BMPER: variants seen among roughly 807,000 people sequenced by gnomAD.
BMPER encodes BMP-binding endothelial regulator protein.
In BMPER, 45 loss-of-function variants were observed where a neutral mutation model predicts 87.3. That is an observed-to-expected ratio of 0.52 (90% CI 0.41 to 0.66). BMPER has a LOEUF of 0.66. Among genes scored for constraint, BMPER ranks in the 30% least tolerant of loss-of-function variants. The probability of loss-of-function intolerance (pLI) is 0.00; values close to 1 mark genes in which losing one functional copy is unlikely to be tolerated. For missense variants in BMPER, 784 were observed against 867.5 expected (o/e 0.90, Z 1.21); for synonymous variants, 326 against 316.2 (o/e 1.03, Z -0.33).
chr7:34,133,422 G>T (rs549262618), intron 13 of BMPER, among the ~76,000 whole-genome samples: 2 of 152,106 alleles, frequency 1.3e-5, no homozygotes, highest in African/African-American at 4.8e-5. Context: ...AAGGTGGTGT[G>T]CCTGGAGAGG....
In BMPER at chr7:34,065,928, A is replaced by G. The variant is rs181888910; in HGVS notation, c.1078+3881A>G. Among the ~76,000 whole-genome samples the G allele has an allele frequency of 1.6e-3, 251 of 152,386 alleles. 8 individuals carry two copies. The highest frequency in any genetic ancestry group is 0.016 in the Admixed American group (246 of 15,310). ...CATGCACACATACATGCATACGTCA[A>G]TTAAATGGATTGATTACAGAGCTTC... On this transcript the variant is annotated intron_variant, in intron 11 of 14. Coordinates refer to ENST00000649409, the MANE Select transcript of BMPER (RefSeq NM_001365308.1).
chr7:33,922,830 T>TA (rs1184963249), intron 2 of BMPER, among the ~76,000 whole-genome samples: 2 of 152,198 alleles, frequency 1.3e-5, no homozygotes, highest in East Asian at 3.8e-4. Flanking sequence ...ATTTTTTTTT[T>TA]ACTAATGATG....
chr7:33,935,582 G>T (rs1170679402), intron 2 of BMPER, among the ~76,000 whole-genome samples: 1 of 137,908 alleles, frequency 7.3e-6, no homozygotes, highest in Admixed American at 7.0e-5. Context: ...AAAAAAGAAA[G>T]AGAGAAAGAG....
intron 11 of BMPER, among the ~76,000 whole-genome samples, chr7:34,066,149 A>G (rs946559349): frequency 2.0e-5 from 3 of 152,228 alleles, no homozygotes; most frequent in African/African-American, 4.8e-5. Flanking sequence ...GGAAACTTGA[A>G]GTGCATCTAT....
intron 2 of BMPER, among the ~76,000 whole-genome samples, chr7:33,918,820 A>G (rs1172664911): frequency 2.0e-5 from 3 of 152,140 alleles, no homozygotes; most frequent in Admixed American, 1.3e-4. Flanking sequence ...CCGCAGCTCC[A>G]TTAGCACATA....
chr7:34,108,620 G>A (rs1789884937), intron 13 of BMPER, among the ~76,000 whole-genome samples: 1 of 152,190 alleles, frequency 6.6e-6, no homozygotes, highest in Non-Finnish European at 1.5e-5. Flanking sequence ...GTAAACTTTA[G>A]CATGGATTTT....
At chr7:34,058,731 A>T in intron 10 of BMPER, among the ~76,000 whole-genome samples, 1 of 152,240 alleles carries the variant, frequency 6.6e-6, no homozygotes. Flanking sequence ...GAATAAAGCA[A>T]CCATTATCTT....
chr7:33,972,444 C>T (rs978153299), intron 5 of BMPER, among the ~76,000 whole-genome samples: 1 of 152,142 alleles, frequency 6.6e-6, no homozygotes, highest in African/African-American at 2.4e-5. Flanking sequence ...TTATTTCTTC[C>T]ACTCTCTTTT....
chr7:33,946,933 T>C (rs936134982), intron 3 of BMPER, among the ~76,000 whole-genome samples: 1 of 152,234 alleles, frequency 6.6e-6, no homozygotes, highest in East Asian at 1.9e-4. Flanking sequence ...ATTTATAGAA[T>C]AGTGCTGCTT....
chr7:34,034,206 T>A (rs1215951121), intron 6 of BMPER, among the ~76,000 whole-genome samples: 1 of 152,192 alleles, frequency 6.6e-6, no homozygotes, highest in Non-Finnish European at 1.5e-5. Context: ...CCAGGAGAAC[T>A]TCAATTTAAT....
chr7:34,090,600 C>T (rs1031239058), intron 13 of BMPER, among the ~76,000 whole-genome samples: 6 of 152,214 alleles, frequency 3.9e-5, no homozygotes, highest in African/African-American at 1.4e-4. Context: ...TGAGCTATGC[C>T]TTTGTGGGTC....
chr7:33,957,116 G>C (rs1433991935), intron 3 of BMPER, among the ~76,000 whole-genome samples: 1 of 152,054 alleles, frequency 6.6e-6, no homozygotes, highest in Non-Finnish European at 1.5e-5. Context: ...ACAAAAACTT[G>C]TGTTCACATA....
chr7:34,021,995 A>G (rs964501438), intron 6 of BMPER, among the ~76,000 whole-genome samples: 3 of 152,050 alleles, frequency 2.0e-5, no homozygotes, highest in African/African-American at 7.2e-5. Context: ...AACAAGTAGT[A>G]TAAGAATTTG....
intron 6 of BMPER, among the ~76,000 whole-genome samples, chr7:34,019,568 G>C (rs866515071): frequency 6.6e-6 from 1 of 152,052 alleles, no homozygotes; most frequent in African/African-American, 2.4e-5. Context: ...TTGAAGTGAT[G>C]ATGTCACAGG....
intron 14 of BMPER, among the ~76,000 whole-genome samples, chr7:34,145,659 A>G (rs1286459778): frequency 6.6e-6 from 1 of 152,172 alleles, no homozygotes; most frequent in Non-Finnish European, 1.5e-5. Flanking sequence ...AAATGGAGTC[A>G]AGTTTGATCC....
intron 14 of BMPER, among the ~76,000 whole-genome samples, chr7:34,152,314 CTG>C (rs1791197554): frequency 6.6e-6 from 1 of 152,186 alleles, no homozygotes; most frequent in Non-Finnish European, 1.5e-5. Flanking sequence ...GCCCCTTCAA[CTG>C]TCACTGGATG....
In BMPER at chr7:34,078,907, G is replaced by A; in HGVS notation, c.1129G>A (p.Gly377Ser). 1 of 1,614,168 alleles carries A rather than the reference G, an allele frequency of 6.2e-7. No individual in the cohort carries two copies. Among genetic ancestry groups the A allele is most frequent in the Non-Finnish European group, 8.5e-7 (1 of 1,180,040 alleles). Residue 377 changes from glycine to serine, a missense_variant, in exon 12 of 15, where the codon GGT becomes AGT. By Grantham distance (56) the Gly-to-Ser change is moderately conservative. Coordinates refer to ENST00000649409, the MANE Select transcript of BMPER (RefSeq NM_001365308.1). The part of the protein sequence containing the change: ...FGDPHYNTFD[G>S]RTFNFQGTCQ... Reference sequence around the variant, plus strand: ...AGATCCCCACTACAACACTTTTGACGGTCGGACATTTAACTTTCAGGGGAC... The same window carrying A: ...AGATCCCCACTACAACACTTTTGACAGTCGGACATTTAACTTTCAGGGGAC...
At chr7:34,100,646 C>T (rs1305028178) in intron 13 of BMPER, among the ~76,000 whole-genome samples, 1 of 152,130 alleles carries the variant, frequency 6.6e-6, no homozygotes, top group Non-Finnish European at 1.5e-5. Flanking sequence ...AAGACAGATC[C>T]CTCTTGTGGA....
At chr7:34,119,791 A>C (rs1337124883) in intron 13 of BMPER, among the ~76,000 whole-genome samples, 15 of 152,200 alleles carry the variant, frequency 9.9e-5, no homozygotes, top group Admixed American at 9.8e-4. Flanking sequence ...CTCAAATTGA[A>C]TATCTAGGAA....
Sources: gnomAD v4.1 joint callset for allele counts (sites outside exome capture counted in the v4.1 genomes callset) on GRCh38, gnomAD v4.1.1 for gene constraint, MANE v1.5 for transcripts, NCBI Gene and HGNC (gene_info 2026-07-23, HGNC 2026-07-21) for gene names.